Variants in TSHZ2 observed in about 807,000 individuals in gnomAD.
TSHZ2 encodes teashirt homolog 2.
Under a neutral mutation model 74.4 loss-of-function variants are expected in TSHZ2, and 21 were observed. The observed-to-expected ratio is 0.28, with a 90% CI of 0.20 to 0.41. The LOEUF is 0.41. TSHZ2 is among the 10% of genes least tolerant of loss of function. TSHZ2 has a pLI of 1.00. For synonymous variants in TSHZ2, 540 were observed against 515.3 expected (o/e 1.05, Z -0.65); for missense variants, 1,244 against 1,293.5 (o/e 0.96, Z 0.59).
chr20:53,159,311 T>C (rs1372251686), intron 1 of TSHZ2, among the ~76,000 whole-genome samples: 1 of 152,202 alleles, frequency 6.6e-6, no homozygotes, highest in Non-Finnish European at 1.5e-5. Flanking sequence ...ATGGGCCAAG[T>C]CCAGCCCAAC....
intron 1 of TSHZ2, among the ~76,000 whole-genome samples, chr20:53,237,526 T>TGC (rs1293656573): frequency 1.5e-4 from 22 of 143,408 alleles, no homozygotes; most frequent in Admixed American, 6.9e-4. Flanking sequence ...TGTGTGTGTG[T>TGC]GCGCGTGCAT....
At chr20:53,021,593 T>C (rs899305275) in intron 1 of TSHZ2, among the ~76,000 whole-genome samples, 1 of 152,196 alleles carries the variant, frequency 6.6e-6, no homozygotes, top group Non-Finnish European at 1.5e-5. Context: ...CCCCTTACGA[T>C]AAATATGCAT....
chr20:52,984,702 C>A (rs937083606), intron 1 of TSHZ2, among the ~76,000 whole-genome samples: 2 of 152,096 alleles, frequency 1.3e-5, no homozygotes, highest in Non-Finnish European at 2.9e-5. Flanking sequence ...GGCTGTCCTG[C>A]GATTTATCAG....
chr20:53,030,807 A>T (rs956043559), intron 1 of TSHZ2, among the ~76,000 whole-genome samples: 1 of 152,368 alleles, frequency 6.6e-6, no homozygotes, highest in Non-Finnish European at 1.5e-5. Context: ...TAATGTAAAC[A>T]TTATAATCAT....
chr20:53,221,035 A>ATG, intron 1 of TSHZ2, among the ~76,000 whole-genome samples: 1 of 152,202 alleles, frequency 6.6e-6, no homozygotes, highest in Non-Finnish European at 1.5e-5. Flanking sequence ...GGAGGGACCC[A>ATG]GTAGGAGATA....
intron 2 of TSHZ2, among the ~76,000 whole-genome samples, chr20:53,330,825 T>C (rs1979695945): frequency 6.6e-6 from 1 of 152,228 alleles, no homozygotes; most frequent in African/African-American, 2.4e-5. Context: ...TATTCAAATA[T>C]GTTTATCTGA....
intron 1 of TSHZ2, among the ~76,000 whole-genome samples, chr20:53,168,439 C>T (rs58965768): frequency 6.6e-6 from 1 of 152,170 alleles, no homozygotes; most frequent in Non-Finnish European, 1.5e-5. Context: ...AAAATCCACT[C>T]AAATATACCA....
chr20:53,180,241 G>C (rs1274320975), intron 1 of TSHZ2, among the ~76,000 whole-genome samples: 1 of 152,192 alleles, frequency 6.6e-6, no homozygotes, highest in African/African-American at 2.4e-5. Flanking sequence ...GCAGCAGAAA[G>C]AGCACATTAC....
At chr20:53,028,402 C>T (rs958095195) in intron 1 of TSHZ2, among the ~76,000 whole-genome samples, 1 of 152,254 alleles carries the variant, frequency 6.6e-6, no homozygotes, top group African/African-American at 2.4e-5. Context: ...ATGTGGGCCA[C>T]AGAACCCGGT....
chr20:53,492,652 T>C lies in TSHZ2; in HGVS notation c.*5517T>C, dbSNP rs1416317986. ...CCTTTAAAATCAAGAAGCTAGGTGA[T>C]CATACAGTCATTTCAATGGCCAACC... is the stretch of plus-strand genomic sequence containing the variant. On this transcript the variant is annotated 3_prime_UTR_variant, in exon 3 of 3. Transcript: ENST00000371497. The C allele has an allele frequency of 1.3e-5, 2 of 152,222 alleles. No homozygotes were observed. The highest frequency in any genetic ancestry group is 2.9e-5 in the Non-Finnish European group (2 of 68,042). The allele number at this position is 152,222 out of a possible 1,614,324, so 9.4% of individuals were successfully genotyped here. A position where few individuals can be genotyped will look rare whatever the true frequency, so the allele number is the denominator to read the frequency against.
intron 1 of TSHZ2, among the ~76,000 whole-genome samples, chr20:53,109,934 T>G (rs1195571581): frequency 6.6e-6 from 1 of 152,206 alleles, no homozygotes; most frequent in African/African-American, 2.4e-5. Flanking sequence ...CTCAGAGATC[T>G]CAAAATAGCA....
intron 1 of TSHZ2, among the ~76,000 whole-genome samples, chr20:53,051,453 G>GCATGCACA (rs1984459103): frequency 1.9e-5 from 2 of 102,992 alleles, no homozygotes; most frequent in Non-Finnish European, 3.9e-5. Context: ...ACTCTGTGGC[G>GCATGCACA]CACGCACACA....
chr20:53,215,138 C>A (rs1384526848), intron 1 of TSHZ2, among the ~76,000 whole-genome samples: 2 of 152,050 alleles, frequency 1.3e-5, no homozygotes, highest in Non-Finnish European at 2.9e-5. Context: ...ATTATCTCAT[C>A]AAAACCTGAA....
intron 2 of TSHZ2, among the ~76,000 whole-genome samples, chr20:53,442,173 T>A (rs372724451): frequency 4.6e-5 from 7 of 152,294 alleles, no homozygotes; most frequent in African/African-American, 1.7e-4. Context: ...AAGCAGGGAA[T>A]GTATGAGTGT....
chr20:53,274,937 G>GA, intron 2 of TSHZ2, among the ~76,000 whole-genome samples: 1 of 152,212 alleles, frequency 6.6e-6, no homozygotes, highest in African/African-American at 2.4e-5. Flanking sequence ...TTTCCCCCAA[G>GA]AATTCCCATA....
chr20:53,257,307 C>T (rs1406060566), intron 2 of TSHZ2, among the ~76,000 whole-genome samples: 2 of 152,164 alleles, frequency 1.3e-5, no homozygotes, highest in Non-Finnish European at 1.5e-5. Flanking sequence ...TATTAGAGCC[C>T]ACCTTTAACA....
At chr20:53,167,123 G>A (rs1221582660) in intron 1 of TSHZ2, among the ~76,000 whole-genome samples, 2 of 152,180 alleles carry the variant, frequency 1.3e-5, no homozygotes, top group African/African-American at 2.4e-5. Context: ...AGTTGGGTTT[G>A]TTCTTTCTGG....
intron 1 of TSHZ2, among the ~76,000 whole-genome samples, chr20:53,214,471 T>C (rs147356722): frequency 1.3e-5 from 2 of 152,194 alleles, no homozygotes; most frequent in African/African-American, 4.8e-5. Flanking sequence ...TTTGGGAGGC[T>C]GAGGCCGGCA....
At chr20:53,113,650 G>T (rs1986593777) in intron 1 of TSHZ2, among the ~76,000 whole-genome samples, 1 of 152,188 alleles carries the variant, frequency 6.6e-6, no homozygotes, top group Non-Finnish European at 1.5e-5. Flanking sequence ...CCCAGAATGT[G>T]CCCTAATACC....
Sources: allele counts gnomAD v4.1 joint callset (sites outside exome capture counted in the v4.1 genomes callset), GRCh38; gene constraint gnomAD v4.1.1; transcripts MANE v1.5; gene names NCBI Gene and HGNC (gene_info 2026-07-23, HGNC 2026-07-21).